DRC8: variants seen among roughly 807,000 people sequenced by gnomAD.
DRC8 encodes the protein dynein regulatory complex subunit 8, also known as dynein regulatory complex protein 8.
chr1:245,109,126 T>G, the DRC8 span, among the ~76,000 whole-genome samples: 4 of 152,176 alleles, frequency 2.6e-5, no homozygotes, highest in Non-Finnish European at 5.9e-5. Flanking sequence ...AGGAGTCTCG[T>G]AGAATACATG....
At chr1:244,980,920 C>T in the DRC8 span, among the ~76,000 whole-genome samples, 12 of 152,142 alleles carry the variant, frequency 7.9e-5, no homozygotes, top group Non-Finnish European at 1.6e-4. Flanking sequence ...TGGTGGTTCA[C>T]GCCTGTAATC....
chr1:245,030,195 G>A, the DRC8 span, among the ~76,000 whole-genome samples: 3 of 152,188 alleles, frequency 2.0e-5, no homozygotes, highest in African/African-American at 7.2e-5. Flanking sequence ...ATGGACACAA[G>A]CCAGAAAGTG....
the DRC8 span, among the ~76,000 whole-genome samples, chr1:245,095,689 A>G: frequency 6.6e-6 from 1 of 152,174 alleles, no homozygotes; most frequent in Non-Finnish European, 1.5e-5. Context: ...CACCTGGCCT[A>G]TTTAATTAGT....
At chr1:245,104,770 C>T in the DRC8 span, among the ~76,000 whole-genome samples, 148,374 of 152,322 alleles carry the variant, frequency 0.97, 72,374 homozygotes, top group East Asian at 1. Context: ...CATTAAACCA[C>T]GATCATATCT....
At chr1:245,026,968 GA>G in the DRC8 span, among the ~76,000 whole-genome samples, 1 of 152,084 alleles carries the variant, frequency 6.6e-6, no homozygotes, top group Non-Finnish European at 1.5e-5. Flanking sequence ...TTCTTGTCAG[GA>G]AAAAAATTCT....
chr1:245,045,853 C>T, the DRC8 span, among the ~76,000 whole-genome samples: 1 of 152,192 alleles, frequency 6.6e-6, no homozygotes, highest in Non-Finnish European at 1.5e-5. Flanking sequence ...CGCAGTCAGT[C>T]TGGTTTGTTG....
chr1:245,056,471 A>G, the DRC8 span, among the ~76,000 whole-genome samples: 4 of 152,184 alleles, frequency 2.6e-5, no homozygotes, highest in African/African-American at 9.6e-5. Flanking sequence ...TGTTGCTGAC[A>G]CAGCACAGTG....
At chr1:245,043,774 C>G in the DRC8 span, among the ~76,000 whole-genome samples, 1 of 152,328 alleles carries the variant, frequency 6.6e-6, no homozygotes, top group African/African-American at 2.4e-5. Flanking sequence ...TTTTGACTCT[C>G]AGCGTCAGTG....
chr1:245,101,207 T>G, the DRC8 span, among the ~76,000 whole-genome samples: 1 of 152,214 alleles, frequency 6.6e-6, no homozygotes, highest in South Asian at 2.1e-4. Flanking sequence ...TTTTAAAGTT[T>G]CTTTTAATGT....
At chr1:245,120,213 CTGAGT>C in the DRC8 span, among the ~76,000 whole-genome samples, 1 of 152,192 alleles carries the variant, frequency 6.6e-6, no homozygotes, top group Non-Finnish European at 1.5e-5. Context: ...TCCCTCTCCC[CTGAGT>C]GCACCGATTC....
the DRC8 span, among the ~76,000 whole-genome samples, chr1:245,113,196 A>G: frequency 6.0e-3 from 907 of 152,308 alleles, 7 homozygotes; most frequent in Middle Eastern, 0.017. Flanking sequence ...TTTCCCCCCT[A>G]AGAGCTTATC....
chr1:244,980,502 TAGTCCAGAA>T, the DRC8 span, among the ~76,000 whole-genome samples: 2 of 152,160 alleles, frequency 1.3e-5, no homozygotes, highest in African/African-American at 4.8e-5. Flanking sequence ...CCCAGTATAG[TAGTCCAGAA>T]AGATAAAACC....
the DRC8 span, among the ~76,000 whole-genome samples, chr1:245,071,350 G>A: frequency 6.6e-6 from 1 of 152,184 alleles, no homozygotes; most frequent in Non-Finnish European, 1.5e-5. Context: ...GATTATCTAA[G>A]TAGACAAGAA....
At chr1:244,985,076 G>GTTTTTTT in the DRC8 span, among the ~76,000 whole-genome samples, 14 of 130,806 alleles carry the variant, frequency 1.1e-4, no homozygotes, top group African/African-American at 2.8e-4. Context: ...TGTCTCCAGG[G>GTTTTTTT]TTTTTTTTTT....
the DRC8 span, chr1:245,087,927 A>G: frequency 2.3e-6 from 1 of 440,974 alleles, no homozygotes; most frequent in African/African-American, 2.1e-5. Context: ...GCATGTCACC[A>G]TTTATGGAGT....
chr1:244,991,426 C>G, the DRC8 span, among the ~76,000 whole-genome samples: 1 of 152,066 alleles, frequency 6.6e-6, no homozygotes, highest in Admixed American at 6.6e-5. Context: ...ACTGGCCATT[C>G]GAGATTCGCT....
chr1:245,011,229 T>C, the DRC8 span, among the ~76,000 whole-genome samples: 2 of 152,140 alleles, frequency 1.3e-5, no homozygotes, highest in Admixed American at 6.5e-5. Context: ...AGCAAAAATA[T>C]CACTATGTCA....
chr1:245,003,538 C>CT, the DRC8 span, among the ~76,000 whole-genome samples: 2 of 152,288 alleles, frequency 1.3e-5, no homozygotes, highest in Middle Eastern at 3.4e-3. Context: ...TTACTGGCCT[C>CT]TTTTGTAATC....
the DRC8 span, among the ~76,000 whole-genome samples, chr1:245,039,450 G>T: frequency 2.0e-5 from 3 of 148,952 alleles, no homozygotes; most frequent in East Asian, 6.0e-4. Context: ...ACTTCAGAGT[G>T]CAACAGAGTG....
Sources: gnomAD v4.1 joint callset for allele counts (sites outside exome capture counted in the v4.1 genomes callset) on GRCh38, gnomAD v4.1.1 for gene constraint, MANE v1.5 for transcripts, NCBI Gene and HGNC (gene_info 2026-07-23, HGNC 2026-07-21) for gene names.